Variants in RORA observed in about 807,000 individuals in gnomAD.
RORA encodes the protein RAR related orphan receptor A, also known as nuclear receptor ROR-alpha.
RORA carries 7 observed loss-of-function variants against 69.5 expected under a neutral mutation model. That is an observed-to-expected ratio of 0.10 (90% CI 0.06 to 0.19). RORA has a LOEUF of 0.19. Among genes scored for constraint, RORA ranks in the 10% least tolerant of loss-of-function variants. The pLI is 1.00. For synonymous variants in RORA, 261 were observed against 240.8 expected (o/e 1.08, Z -0.78); for missense variants, 457 against 663.0 (o/e 0.69, Z 3.41).
intron 1 of RORA, among the ~76,000 whole-genome samples, chr15:61,166,542 T>C (rs1037597733): frequency 1.3e-5 from 2 of 152,156 alleles, no homozygotes; most frequent in African/African-American, 4.8e-5. Flanking sequence ...TTGACAACCG[T>C]TATATCACCT....
chr15:61,197,865 C>A (rs958752687), intron 1 of RORA, among the ~76,000 whole-genome samples: 1 of 148,742 alleles, frequency 6.7e-6, no homozygotes, highest in Non-Finnish European at 1.5e-5. Flanking sequence ...GGGAAGAGCC[C>A]ACCACCACAC....
intron 1 of RORA, among the ~76,000 whole-genome samples, chr15:61,097,845 T>C (rs1451812904): frequency 6.6e-6 from 1 of 152,206 alleles, no homozygotes; most frequent in Non-Finnish European, 1.5e-5. Context: ...CAGGATCATT[T>C]CAGTCTGCAC....
chr15:60,630,720 AG>A (rs1393134896), intron 2 of RORA: 1 of 152,242 alleles, frequency 6.6e-6, no homozygotes, highest in African/African-American at 2.4e-5. Context: ...TATACAGCTC[AG>A]GAACTCCTTT....
chr15:60,667,746 AG>A (rs1272211294), intron 2 of RORA, among the ~76,000 whole-genome samples: 2 of 152,040 alleles, frequency 1.3e-5, no homozygotes, highest in African/African-American at 4.8e-5. Flanking sequence ...CAGCATCCTG[AG>A]TAGCTGGGAC....
intron 1 of RORA, among the ~76,000 whole-genome samples, chr15:60,812,596 G>A (rs1457587623): frequency 6.6e-6 from 1 of 152,202 alleles, no homozygotes; most frequent in Non-Finnish European, 1.5e-5. Flanking sequence ...CACAAAGAAA[G>A]AGCTCAGTAG....
intron 1 of RORA, among the ~76,000 whole-genome samples, chr15:60,947,224 T>A (rs112751352): frequency 0.14 from 21,976 of 152,082 alleles, 1,953 homozygotes; most frequent in Non-Finnish European, 0.21. Context: ...CGGGCCATGA[T>A]GACGATGGCG....
At chr15:61,174,051 A>G (rs1238719103) in intron 1 of RORA, among the ~76,000 whole-genome samples, 1 of 152,218 alleles carries the variant, frequency 6.6e-6, no homozygotes, top group Non-Finnish European at 1.5e-5. Context: ...GTTCCTGGCC[A>G]TTCACAAACA....
rs548722194 is a variant in RORA, at chr15:60,837,685, T to A, written c.167-158999A>T. ...TGTTGAACACAGCCTTGTGCACCAT[T>A]TCCCCCGCTAAAGAGCTCACCGGGG... On this transcript the variant is annotated intron_variant, in intron 1 of 10. Coordinates refer to ENST00000335670, the MANE Select transcript of RORA (RefSeq NM_134261.3). Among the ~76,000 whole-genome samples the A allele has an allele frequency of 3.3e-5, 5 of 152,320 alleles. No homozygotes were observed. In the East Asian group the frequency reaches 7.7e-4, roughly 23 times the overall value.
At chr15:60,912,715 C>G (rs1283890129) in intron 1 of RORA, among the ~76,000 whole-genome samples, 1 of 151,932 alleles carries the variant, frequency 6.6e-6, no homozygotes, top group Non-Finnish European at 1.5e-5. Flanking sequence ...GATCGTGCCA[C>G]TGCACTCCAG....
chr15:60,505,529 T>C lies in RORA; in HGVS notation c.921A>G (p.Glu307=), dbSNP rs199775759. 20 of 1,613,882 alleles carry C rather than the reference T, an allele frequency of 1.2e-5. No individual in the cohort carries two copies. In the East Asian group the frequency reaches 4.2e-4, roughly 34 times the overall value. The change falls in exon 6 of 11, where the codon GAA becomes GAG. Residue 307 remains glutamate (E), a synonymous_variant. Coordinates refer to ENST00000335670, the MANE Select transcript of RORA (RefSeq NM_134261.3). ...ATACCTTGTTTTGATAGTTCTCAATTTCTTCCTGTAAAAAGGTCTGCCACG... is the reference window on the plus strand; with the variant it reads ...ATACCTTGTTTTGATAGTTCTCAATCTCTTCCTGTAAAAAGGTCTGCCACG... ...QITWQTFLQE[E]IENYQNKQRE...
Position 60,558,254 on chromosome 15 carries a change from C to A in RORA, c.197-26403G>T, listed in dbSNP as rs151126520. ...ACGCCAGTAAGAACAAAAGCATCAC[C>A]TGAAGACAGGATACACTGATGGAGT... On this transcript the variant is annotated intron_variant, in intron 2 of 10. Transcript: ENST00000335670. The A allele has an allele frequency of 4.2e-5, 67 of 1,612,302 alleles. No individual in the cohort carries two copies. In the African/African-American group the frequency reaches 8.4e-4, roughly 20 times the overall value.
intron 1 of RORA, among the ~76,000 whole-genome samples, chr15:61,092,388 A>G (rs1212502373): frequency 4.6e-5 from 7 of 152,246 alleles, no homozygotes; most frequent in Non-Finnish European, 7.3e-5. Flanking sequence ...TTGCAGCTCC[A>G]TAATCTGCTC....
intron 1 of RORA, among the ~76,000 whole-genome samples, chr15:60,820,510 T>C (rs865912857): frequency 6.6e-6 from 1 of 152,168 alleles, no homozygotes; most frequent in African/African-American, 2.4e-5. Context: ...GAGGCCTGCA[T>C]TGCGTGAAGA....
intron 2 of RORA, chr15:60,630,345 A>T (rs1390002437): frequency 6.6e-6 from 1 of 152,260 alleles, no homozygotes; most frequent in African/African-American, 2.4e-5. Context: ...CAGACTCCAG[A>T]GTATGATTTA....
At chr15:60,660,186 C>T (rs1369389002) in intron 2 of RORA, among the ~76,000 whole-genome samples, 1 of 152,094 alleles carries the variant, frequency 6.6e-6, no homozygotes, top group African/African-American at 2.4e-5. Context: ...TAGACGCTGA[C>T]ATTACTTAGA....
intron 1 of RORA, among the ~76,000 whole-genome samples, chr15:60,746,574 G>A (rs186448146): frequency 2.0e-5 from 3 of 152,210 alleles, no homozygotes; most frequent in East Asian, 1.9e-4. Flanking sequence ...CCTGGTAGCC[G>A]GTCCCAAGAG....
intron 2 of RORA, among the ~76,000 whole-genome samples, chr15:60,675,701 A>G (rs781605678): frequency 6.6e-6 from 1 of 152,074 alleles, no homozygotes; most frequent in Non-Finnish European, 1.5e-5. Context: ...CAAAACATTT[A>G]TTTTTTTTAA....
At chr15:60,879,331 T>C (rs1482060) in intron 1 of RORA, among the ~76,000 whole-genome samples, 77,604 of 151,710 alleles carry the variant, frequency 0.51, 20,660 homozygotes, top group Non-Finnish European at 0.58. Context: ...CCTCAGTTTG[T>C]TCATCAGTAA....
chr15:60,704,002 A>G (rs1017403211), intron 1 of RORA, among the ~76,000 whole-genome samples: 2 of 152,144 alleles, frequency 1.3e-5, no homozygotes, highest in African/African-American at 4.8e-5. Flanking sequence ...TATAGTGAGT[A>G]TTGTTTTACT....
Sources: gnomAD v4.1 joint callset for allele counts (sites outside exome capture counted in the v4.1 genomes callset) on GRCh38, gnomAD v4.1.1 for gene constraint, MANE v1.5 for transcripts, NCBI Gene and HGNC (gene_info 2026-07-23, HGNC 2026-07-21) for gene names.